The following SRBD1 variants were observed in gnomAD, a reference collection of about 807,000 sequenced individuals.
SRBD1 encodes the protein S1 RNA binding domain 1.
A neutral mutation model predicts 115.3 loss-of-function variants in SRBD1; 88 were observed. The observed-to-expected ratio is 0.76, with a 90% CI of 0.64 to 0.91. The LOEUF (loss-of-function observed/expected upper bound fraction) is 0.91, where lower values mean the gene tolerates loss of function less well. Among genes scored for constraint, SRBD1 ranks in the 40% least tolerant of loss-of-function variants. The pLI is 0.00. For missense variants in SRBD1, 1,385 were observed against 1,177.4 expected (o/e 1.18, Z -2.58); for synonymous variants, 509 against 407.7 (o/e 1.25, Z -2.99).
Position 45,571,537 on chromosome 2 carries a change from A to C in SRBD1, c.1305+1670T>G, listed in dbSNP as rs74262722. Among the ~76,000 whole-genome samples the C allele has an allele frequency of 2.0e-4, 29 of 143,872 alleles. 1 individual carries two copies. Among genetic ancestry groups the C allele is most frequent in the East Asian group, 1.3e-3 (6 of 4,476 alleles). 94.4% of individuals were successfully genotyped at this position (143,872 alleles called of 152,430 possible). A position where few individuals can be genotyped will look rare whatever the true frequency, so the allele number is the denominator to read the frequency against. Reference sequence around the variant, plus strand: ...TTTACCAAAAAAAAAAAAAAAAAAAAAAAAACTGTCCATGAGGAAGCTTAG... The same window carrying C: ...TTTACCAAAAAAAAAAAAAAAAAAACAAAAACTGTCCATGAGGAAGCTTAG... On this transcript the variant is annotated intron_variant, in intron 9 of 20. Transcript: ENST00000263736.
chr2:45,461,613 C>T (rs1669320356), intron 16 of SRBD1, among the ~76,000 whole-genome samples: 1 of 152,162 alleles, frequency 6.6e-6, no homozygotes, highest in Admixed American at 6.5e-5. Flanking sequence ...CCACCTTCTC[C>T]CATAACTGAC....
At chr2:45,518,136 A>C (rs934064892) in intron 14 of SRBD1, among the ~76,000 whole-genome samples, 6 of 152,208 alleles carry the variant, frequency 3.9e-5, no homozygotes, top group African/African-American at 1.2e-4. Flanking sequence ...TCCTAGATTA[A>C]CTGAAATACA....
chr2:45,543,467 G>A (rs1672011494), intron 14 of SRBD1, among the ~76,000 whole-genome samples: 2 of 152,190 alleles, frequency 1.3e-5, no homozygotes, highest in African/African-American at 2.4e-5. Context: ...AAATGTGCTG[G>A]TAGATATGGC....
At chr2:45,412,657 C>G (rs746251751) in intron 19 of SRBD1, among the ~76,000 whole-genome samples, 3 of 152,120 alleles carry the variant, frequency 2.0e-5, no homozygotes, top group Non-Finnish European at 2.9e-5. Flanking sequence ...AAACTTCCCC[C>G]ATGTCATTCT....
chr2:45,469,290 A>T (rs958238989), intron 16 of SRBD1, among the ~76,000 whole-genome samples: 20 of 152,162 alleles, frequency 1.3e-4, no homozygotes, highest in Admixed American at 2.6e-4. Flanking sequence ...TATTAGTTTT[A>T]AACACTGAAA....
At position 45,565,444 on chromosome 2, in the gene SRBD1, C is replaced by T. The variant is rs368659607; in HGVS notation, c.1306-2688G>A. ...CCACATGCAAAAGAACAAAAGTGGACGGACCCCTACTTCACGCTATACATA... is the reference window on the plus strand; with the variant it reads ...CCACATGCAAAAGAACAAAAGTGGATGGACCCCTACTTCACGCTATACATA... On this transcript the variant is annotated intron_variant, in intron 9 of 20. Transcript: ENST00000263736. Among the ~76,000 whole-genome samples, 24 of 152,208 alleles carry T rather than the reference C, an allele frequency of 1.6e-4. No homozygotes were observed. The East Asian group carries it at 3.1e-3, about 20-fold the overall frequency.
chr2:45,452,162 G>C (rs1050804733), intron 16 of SRBD1, among the ~76,000 whole-genome samples: 3 of 151,920 alleles, frequency 2.0e-5, no homozygotes, highest in Admixed American at 6.6e-5. Flanking sequence ...AGGGACATTA[G>C]AATCTGTCTT....
At chr2:45,541,255 G>C (rs980621266) in intron 14 of SRBD1, among the ~76,000 whole-genome samples, 1 of 152,258 alleles carries the variant, frequency 6.6e-6, no homozygotes, top group Non-Finnish European at 1.5e-5. Flanking sequence ...GGGGAACACA[G>C]TGGTTCCTGG....
intron 19 of SRBD1, among the ~76,000 whole-genome samples, chr2:45,402,230 C>T (rs1169669759): frequency 6.6e-6 from 1 of 152,134 alleles, no homozygotes; most frequent in Non-Finnish European, 1.5e-5. Context: ...TTGGGTTAAT[C>T]TACTTTTGGT....
chr2:45,465,883 T>G (rs1388694812), intron 16 of SRBD1, among the ~76,000 whole-genome samples: 1 of 152,202 alleles, frequency 6.6e-6, no homozygotes, highest in Non-Finnish European at 1.5e-5. Flanking sequence ...TTTTCAGTTC[T>G]GATCCCACTT....
At chr2:45,546,235 T>C (rs532910794) in intron 14 of SRBD1, 10 of 985,294 alleles carry the variant, frequency 1.0e-5, no homozygotes, top group African/African-American at 3.5e-5. Flanking sequence ...GTTATCTGTA[T>C]GCCTATATGA....
At chr2:45,548,806 T>G (rs950252529) in intron 12 of SRBD1, among the ~76,000 whole-genome samples, 1 of 150,274 alleles carries the variant, frequency 6.7e-6, no homozygotes, top group Admixed American at 6.6e-5. Context: ...AAACAAAAAG[T>G]CACGACTATA....
intron 14 of SRBD1, among the ~76,000 whole-genome samples, chr2:45,545,783 G>T (rs757825300): frequency 2.0e-5 from 3 of 152,092 alleles, no homozygotes; most frequent in Non-Finnish European, 2.9e-5. Flanking sequence ...TACTCCCCTT[G>T]TTACCCTGAG....
chr2:45,441,004 CA>C (rs1216421244), intron 16 of SRBD1, among the ~76,000 whole-genome samples: 1 of 152,138 alleles, frequency 6.6e-6, no homozygotes, highest in Non-Finnish European at 1.5e-5. Context: ...CTAATGTTTC[CA>C]GTAGTAAGTT....
chr2:45,438,187 GA>G (rs1036044138), intron 16 of SRBD1, among the ~76,000 whole-genome samples: 1 of 151,908 alleles, frequency 6.6e-6, no homozygotes, highest in African/African-American at 2.4e-5. Context: ...AATAAGTCTT[GA>G]AAAAAATCCC....
intron 4 of SRBD1, among the ~76,000 whole-genome samples, chr2:45,597,759 A>C: frequency 6.6e-6 from 1 of 152,200 alleles, no homozygotes; most frequent in Non-Finnish European, 1.5e-5. Context: ...TTTCTACTTA[A>C]GCTCATTATA....
At chr2:45,446,697 G>A (rs1668833689) in intron 16 of SRBD1, among the ~76,000 whole-genome samples, 1 of 150,186 alleles carries the variant, frequency 6.7e-6, no homozygotes, top group Admixed American at 6.6e-5. Flanking sequence ...ATATCAAGAT[G>A]GAAAAAAAAA....
intron 16 of SRBD1, among the ~76,000 whole-genome samples, chr2:45,468,170 A>G (rs987472149): frequency 1.3e-5 from 2 of 152,062 alleles, no homozygotes; most frequent in Non-Finnish European, 2.9e-5. Flanking sequence ...TTTAAATTTT[A>G]TATCAGCCCT....
At chr2:45,411,955 A>G (rs1667615777) in intron 19 of SRBD1, among the ~76,000 whole-genome samples, 1 of 152,148 alleles carries the variant, frequency 6.6e-6, no homozygotes, top group Admixed American at 6.6e-5. Flanking sequence ...TACTAAAAAT[A>G]CAAAAAATTA....
Sources: gnomAD v4.1 joint callset for allele counts (sites outside exome capture counted in the v4.1 genomes callset) on GRCh38, gnomAD v4.1.1 for gene constraint, MANE v1.5 for transcripts, NCBI Gene and HGNC (gene_info 2026-07-23, HGNC 2026-07-21) for gene names.